WDR59: variants seen among roughly 807,000 people sequenced by gnomAD.
WDR59 encodes GATOR2 complex protein WDR59.
Under a neutral mutation model 131.2 loss-of-function variants are expected in WDR59, and 100 were observed. That is an observed-to-expected ratio of 0.76 (90% CI 0.65 to 0.90). The LOEUF (loss-of-function observed/expected upper bound fraction) is 0.90, where lower values mean the gene tolerates loss of function less well. Ranked by LOEUF, WDR59 falls within the 40% of genes least tolerant of loss-of-function variation. WDR59 has a pLI of 0.00. For synonymous variants in WDR59, 601 were observed against 466.2 expected (o/e 1.29, Z -3.72); for missense variants, 1,203 against 1,262.2 (o/e 0.95, Z 0.71).
In WDR59 at chr16:74,910,514, C is replaced by G. The variant is rs1040160034; in HGVS notation, c.1390-597G>C. ...TTACTTCTTTCTAGTGAACTCTGCC[C>G]TTTTCCTCACCCCCAACACCACTTG... On this transcript the variant is annotated intron_variant, in intron 14 of 25. Transcript: ENST00000262144. 5.3e-5 allele frequency among the ~76,000 whole-genome samples: 8 copies of G among 152,238 alleles called. 1 individual carries two copies. The highest frequency in any genetic ancestry group is 1.9e-4 in the African/African-American group (8 of 41,526).
chr16:74,984,905 G>T (rs533703560), intron 1 of WDR59, 59 bp downstream of exon 1: 33 of 1,578,874 alleles, frequency 2.1e-5, no homozygotes, highest in Non-Finnish European at 2.8e-5. Context: ...GCAGCCGCGT[G>T]GGGGAGGGGA....
At chr16:74,947,010 T>C (rs1363539732) in intron 6 of WDR59, among the ~76,000 whole-genome samples, 1 of 152,240 alleles carries the variant, frequency 6.6e-6, no homozygotes, top group Non-Finnish European at 1.5e-5. Flanking sequence ...GTTATACCAG[T>C]TCTATTCCAC....
chr16:74,919,242 T>C (rs16950325), intron 10 of WDR59, among the ~76,000 whole-genome samples: 6,306 of 152,048 alleles, frequency 0.041, 211 homozygotes, highest in South Asian at 0.13. Context: ...GGTTACTTCA[T>C]TCACTAAAAC....
At chr16:74,981,596 C>G (rs1361391735) in intron 1 of WDR59, among the ~76,000 whole-genome samples, 3 of 104,466 alleles carry the variant, frequency 2.9e-5, no homozygotes, top group African/African-American at 1.2e-4. Flanking sequence ...TTTTTTTAGA[C>G]AATACATATA....
chr16:74,976,319 T>C (rs1205965723), intron 1 of WDR59, among the ~76,000 whole-genome samples: 2 of 152,146 alleles, frequency 1.3e-5, no homozygotes, highest in African/African-American at 2.4e-5. Flanking sequence ...TCACCAACCA[T>C]TATTAGGTCA....
intron 2 of WDR59, among the ~76,000 whole-genome samples, chr16:74,961,564 T>C (rs1230468216): frequency 6.6e-6 from 1 of 152,210 alleles, no homozygotes; most frequent in East Asian, 1.9e-4. Context: ...TGAGCTTTTT[T>C]TCATATGTTG....
chr16:74,960,096 G>A lies in WDR59; in HGVS notation c.105-3486C>T, dbSNP rs369790840. ...TGTAATCCTAGCACTTTGGGAGGCC[G>A]AGGCGGGTAGACTGCCTGAGCTCAG... On this transcript the variant is annotated intron_variant, in intron 2 of 25. Coordinates refer to ENST00000262144, the MANE Select transcript of WDR59 (RefSeq NM_030581.4). Among the ~76,000 whole-genome samples, 17 of 152,114 alleles carry A rather than the reference G, an allele frequency of 1.1e-4. No individual in the cohort carries two copies. In the South Asian group the frequency reaches 3.1e-3, roughly 28 times the overall value.
chr16:74,942,853 C>T, intron 6 of WDR59, 27 bp from the exon 7 acceptor site: 1 of 1,606,808 alleles, frequency 6.2e-7, no homozygotes, highest in Non-Finnish European at 8.5e-7. Flanking sequence ...GGGAAGAAAG[C>T]TGCTGCCCTT....
chr16:74,893,799 C>T lies in WDR59; in HGVS notation c.1880G>A (p.Trp627Ter). 4 of 1,614,084 alleles carry T rather than the reference C, an allele frequency of 2.5e-6. No individual in the cohort carries two copies. The highest frequency in any genetic ancestry group is 2.5e-6 in the Non-Finnish European group (3 of 1,180,008). ...FYYKERKSRR[W>*]KSKREGSDSG... is the part of the protein sequence containing the mutation. Reference sequence around the variant, plus strand: ...GTCTGATCCCTCACGCTTACTTTTCCATCGTCTTGATTTCTAGGGGTAGAT... The same window carrying T: ...GTCTGATCCCTCACGCTTACTTTTCTATCGTCTTGATTTCTAGGGGTAGAT... Residue 627 changes from tryptophan (W) to a stop codon, truncating the protein, a stop_gained, in exon 19 of 26, where the codon TGG (tryptophan) becomes TAG (stop). Coordinates refer to ENST00000262144, the MANE Select transcript of WDR59 (RefSeq NM_030581.4). LOFTEE classifies it high-confidence loss of function.
chr16:74,978,955 A>G (rs2034293464), intron 1 of WDR59: 1 of 152,200 alleles, frequency 6.6e-6, no homozygotes, highest in African/African-American at 2.4e-5. Flanking sequence ...CATCCACTGC[A>G]GCACTTTTGC....
chr16:74,888,059 A>T, intron 22 of WDR59, 110 bp downstream of exon 22: 1 of 1,350,992 alleles, frequency 7.4e-7, no homozygotes, highest in South Asian at 1.5e-5. Flanking sequence ...CGGAGGTTGC[A>T]GTGAGCTGAG....
chr16:74,935,928 CG>C (rs1490049146), intron 8 of WDR59, among the ~76,000 whole-genome samples: 1 of 150,546 alleles, frequency 6.6e-6, no homozygotes, highest in Non-Finnish European at 1.5e-5. Flanking sequence ...ACCTGGGAGA[CG>C]GAGGTTGCAG....
At position 74,922,036 on chromosome 16, in the gene WDR59, C is replaced by T. The variant is rs1365527671; in HGVS notation, c.797G>A (p.Trp266Ter). 2 of 1,614,164 alleles carry T rather than the reference C, an allele frequency of 1.2e-6. No homozygotes were observed. Among genetic ancestry groups the T allele is most frequent in the South Asian group, 2.2e-5 (2 of 91,078 alleles). ...TGGGGTGTTCAAGTCAAAGACATTC[C>T]ACAGGAGAAGGCTGTTTTCCCTCCG... ...QLRRENSLLL[W>*]NVFDLNTPVH... Residue 266 changes from tryptophan to a stop codon, truncating the protein, a stop_gained, in exon 10 of 26, where the codon TGG becomes TAG. Coordinates refer to ENST00000262144, the MANE Select transcript of WDR59 (RefSeq NM_030581.4). LOFTEE classifies it high-confidence loss of function.
At chr16:74,918,087 T>G in intron 10 of WDR59, 79 bp from the exon 11 acceptor site, 1 of 1,391,290 alleles carries the variant, frequency 7.2e-7, no homozygotes, top group East Asian at 2.3e-5. Flanking sequence ...TGGAGTGAGA[T>G]TCATCCATCC....
chr16:74,947,697 G>A (rs144638421), intron 6 of WDR59, among the ~76,000 whole-genome samples: 1 of 152,306 alleles, frequency 6.6e-6, no homozygotes, highest in East Asian at 1.9e-4. Flanking sequence ...GTATTTTTAA[G>A]TATGATATTG....
At chr16:74,919,764 G>C (rs2029987076) in intron 10 of WDR59, among the ~76,000 whole-genome samples, 1 of 152,138 alleles carries the variant, frequency 6.6e-6, no homozygotes, top group African/African-American at 2.4e-5. Flanking sequence ...CCCTCAGGAG[G>C]CATCCTTGTC....
chr16:74,890,726 G>T (rs76449207), intron 20 of WDR59, among the ~76,000 whole-genome samples: 2 of 152,180 alleles, frequency 1.3e-5, no homozygotes, highest in Non-Finnish European at 2.9e-5. Flanking sequence ...TGGAGCCATT[G>T]AGCAGAAACC....
intron 8 of WDR59, among the ~76,000 whole-genome samples, chr16:74,929,597 C>T (rs763770503): frequency 5.3e-5 from 8 of 152,040 alleles, no homozygotes; most frequent in Non-Finnish European, 7.4e-5. Context: ...TAAATTAGTA[C>T]GGCCACTATG....
chr16:74,927,954 C>T (rs1273821206), intron 8 of WDR59, among the ~76,000 whole-genome samples: 1 of 135,964 alleles, frequency 7.4e-6, no homozygotes, highest in Non-Finnish European at 1.5e-5. Context: ...TGTTGCCAGG[C>T]TGGAGTGCAG....
Sources: gnomAD v4.1 joint callset for allele counts (sites outside exome capture counted in the v4.1 genomes callset) on GRCh38, gnomAD v4.1.1 for gene constraint, MANE v1.5 for transcripts, NCBI Gene and HGNC (gene_info 2026-07-23, HGNC 2026-07-21) for gene names.